Variants in SLC25A21 observed in about 807,000 individuals in gnomAD.
SLC25A21 encodes mitochondrial 2-oxodicarboxylate carrier.
In SLC25A21, 47 loss-of-function variants were observed where a neutral mutation model predicts 43.8. The ratio of observed to expected loss-of-function variants is 1.07; its 90% CI spans 0.85 to 1.37. SLC25A21 has a LOEUF of 1.37. Among genes scored for constraint, SLC25A21 ranks in the 40% most tolerant of loss-of-function variants. SLC25A21 has a pLI of 0.00. For synonymous variants in SLC25A21, 131 were observed against 121.3 expected, an observed-to-expected ratio of 1.08 and a Z score of -0.52; for missense variants, 352 against 350.2, an observed-to-expected ratio of 1.00 and a Z score of -0.04.
Position 36,794,774 on chromosome 14 carries a change from A to C in SLC25A21, c.203+19144T>G, listed in dbSNP as rs138781336. Among the ~76,000 whole-genome samples the C allele has an allele frequency of 5.9e-3, 891 of 152,168 alleles. 4 individuals carry two copies. Among genetic ancestry groups the C allele is most frequent in the African/African-American group, 0.02 (850 of 41,514 alleles). Reference sequence around the variant, plus strand: ...ACAGAGCAAGACTCCATTTAAAAAAAAAAAAAAAATCCTAGTAAATAAGAC... The same window carrying C: ...ACAGAGCAAGACTCCATTTAAAAAACAAAAAAAAATCCTAGTAAATAAGAC... On this transcript the variant is annotated intron_variant, in intron 3 of 9. Transcript: ENST00000331299.
intron 1 of SLC25A21, among the ~76,000 whole-genome samples, chr14:36,889,434 T>A (rs1172854987): frequency 6.6e-6 from 1 of 152,194 alleles, no homozygotes; most frequent in African/African-American, 2.4e-5. Context: ...TATTTAGTTG[T>A]AATAACATTG....
intron 1 of SLC25A21, among the ~76,000 whole-genome samples, chr14:37,126,830 T>C (rs1387747034): frequency 6.6e-6 from 1 of 152,208 alleles, no homozygotes; most frequent in Non-Finnish European, 1.5e-5. Flanking sequence ...CCCTTGCACT[T>C]AAAACACTTA....
At chr14:36,684,262 A>T (rs552203005) in intron 8 of SLC25A21, among the ~76,000 whole-genome samples, 5 of 152,346 alleles carry the variant, frequency 3.3e-5, no homozygotes, top group Non-Finnish European at 7.3e-5. Flanking sequence ...TCAAAATAAT[A>T]AAATATTACT....
chr14:36,993,729 A>G (rs1874609961), intron 1 of SLC25A21, among the ~76,000 whole-genome samples: 1 of 152,134 alleles, frequency 6.6e-6, no homozygotes, highest in East Asian at 1.9e-4. Flanking sequence ...TGGGACTAAC[A>G]CAGCTGTCTG....
chr14:36,718,892 A>C (rs1884261679), intron 6 of SLC25A21, among the ~76,000 whole-genome samples: 2 of 152,202 alleles, frequency 1.3e-5, no homozygotes. Context: ...TTAAAGAAGA[A>C]ATGGAGGTAA....
rs185761758 is a variant in SLC25A21, at chr14:37,138,231, G to T, written c.70+34050C>A. Among the ~76,000 whole-genome samples, 148 of 152,158 alleles carry T rather than the reference G, an allele frequency of 9.7e-4. 1 individual carries two copies. The Middle Eastern group carries it at 0.027, about 28-fold the overall frequency. ...CATTTTCAGAAAACTGAGGCAAGGAGAAAGACAATAAAAGATACGAAGAAA... is the reference window on the plus strand; with the variant it reads ...CATTTTCAGAAAACTGAGGCAAGGATAAAGACAATAAAAGATACGAAGAAA... On this transcript the variant is annotated intron_variant, in intron 1 of 9. Transcript: ENST00000331299.
In SLC25A21 at chr14:36,886,428, C is replaced by T. The variant is rs116531757; in HGVS notation, c.71-11424G>A. Among the ~76,000 whole-genome samples, 304 of 152,292 alleles carry T rather than the reference C, an allele frequency of 2.0e-3. 2 individuals carry two copies. Among genetic ancestry groups the T allele is most frequent in the African/African-American group, 6.4e-3 (268 of 41,584 alleles). On this transcript the variant is annotated intron_variant, in intron 1 of 9. Transcript: ENST00000331299. ...CACTTTCACATAAGTTTACCATGTG[C>T]GTATATTTTTTAAACGTAACTAACA... is the stretch of plus-strand genomic sequence containing the variant.
chr14:36,957,057 T>C (rs1959360329), intron 1 of SLC25A21, among the ~76,000 whole-genome samples: 1 of 152,262 alleles, frequency 6.6e-6, no homozygotes, highest in African/African-American at 2.4e-5. Flanking sequence ...ATGCTATTTG[T>C]TGCCAAAGTG....
chr14:36,711,268 C>A, intron 7 of SLC25A21, 50 bp downstream of exon 7: 1 of 1,554,124 alleles, frequency 6.4e-7, no homozygotes, highest in South Asian at 1.1e-5. Flanking sequence ...ACGGAGCTAT[C>A]ATCACTGATA....
At chr14:37,144,821 T>G (rs1266659360) in intron 1 of SLC25A21, among the ~76,000 whole-genome samples, 1 of 152,048 alleles carries the variant, frequency 6.6e-6, no homozygotes, top group Non-Finnish European at 1.5e-5. Context: ...TTAGTAGAGA[T>G]AGGATTTCAC....
intron 1 of SLC25A21, among the ~76,000 whole-genome samples, chr14:37,118,685 A>G (rs912442855): frequency 6.6e-6 from 1 of 152,228 alleles, no homozygotes; most frequent in African/African-American, 2.4e-5. Flanking sequence ...CTTAAATTTA[A>G]GCAGAGTAAT....
At chr14:36,793,623 T>G (rs1474380692) in intron 3 of SLC25A21, among the ~76,000 whole-genome samples, 1 of 151,560 alleles carries the variant, frequency 6.6e-6, no homozygotes, top group Admixed American at 6.6e-5. Context: ...GACAAGCACA[T>G]GATGAACCCA....
chr14:37,130,813 A>C (rs1963380143), intron 1 of SLC25A21, among the ~76,000 whole-genome samples: 1 of 152,226 alleles, frequency 6.6e-6, no homozygotes, highest in South Asian at 2.1e-4. Flanking sequence ...TGAGGCAAAA[A>C]TACAATGTGG....
rs535377053 is a variant in SLC25A21, at chr14:37,127,664, G to T, written c.70+44617C>A. Among the ~76,000 whole-genome samples, 12 of 152,274 alleles carry T rather than the reference G, an allele frequency of 7.9e-5. No homozygotes were observed. In the South Asian group the frequency reaches 2.5e-3, roughly 32 times the overall value. ...CTTCATTGATCGAAAGCAAAGTCAG[G>T]TTTCAAGAGCACAAAGACCAGGTCT... On this transcript the variant is annotated intron_variant, in intron 1 of 9. Transcript: ENST00000331299.
At chr14:36,755,098 A>G (rs951213049) in intron 3 of SLC25A21, among the ~76,000 whole-genome samples, 1 of 152,244 alleles carries the variant, frequency 6.6e-6, no homozygotes, top group African/African-American at 2.4e-5. Context: ...GAAACAAAGA[A>G]TTCCACTTAG....
chr14:37,136,291 C>T (rs1208293185), intron 1 of SLC25A21, among the ~76,000 whole-genome samples: 1 of 152,042 alleles, frequency 6.6e-6, no homozygotes, highest in Non-Finnish European at 1.5e-5. Context: ...GAAATCAAAT[C>T]AAAAAGAAGA....
chr14:37,034,980 G>A (rs1387331795), intron 1 of SLC25A21, among the ~76,000 whole-genome samples: 2 of 152,354 alleles, frequency 1.3e-5, no homozygotes, highest in East Asian at 3.9e-4. Context: ...GGTGAGGAGT[G>A]TAAAGCTGGT....
intron 3 of SLC25A21, among the ~76,000 whole-genome samples, chr14:36,798,065 C>T (rs530681156): frequency 1.3e-3 from 195 of 152,190 alleles, no homozygotes; most frequent in African/African-American, 4.5e-3. Flanking sequence ...TTCATATAGT[C>T]GATGGTGATT....
intron 1 of SLC25A21, among the ~76,000 whole-genome samples, chr14:37,016,711 T>C (rs73256292): frequency 0.07 from 10,650 of 152,136 alleles, 995 homozygotes; most frequent in East Asian, 0.25. Flanking sequence ...CTTCTTCCAA[T>C]AAAAGGCTGT....
Sources: allele counts gnomAD v4.1 joint callset (sites outside exome capture counted in the v4.1 genomes callset), GRCh38; gene constraint gnomAD v4.1.1; transcripts MANE v1.5; gene names NCBI Gene and HGNC (gene_info 2026-07-23, HGNC 2026-07-21).